The following CACNA1E variants were observed in gnomAD, a reference collection of about 807,000 sequenced individuals.
CACNA1E encodes the protein voltage-dependent R-type calcium channel subunit alpha-1E.
Under a neutral mutation model 259.2 loss-of-function variants are expected in CACNA1E, and 40 were observed. That is an observed-to-expected ratio of 0.15 (90% CI 0.12 to 0.20). The LOEUF is 0.20. Among genes scored for constraint, CACNA1E ranks in the 10% least tolerant of loss-of-function variants. The pLI is 1.00. For synonymous variants in CACNA1E, 1,104 were observed against 1,138.5 expected, an observed-to-expected ratio of 0.97 and a Z score of 0.61; for missense variants, 1,874 against 3,040.1, an observed-to-expected ratio of 0.62 and a Z score of 9.02.
chr1:181,537,311 C>G (rs1668252096), intron 3 of CACNA1E, among the ~76,000 whole-genome samples: 1 of 151,904 alleles, frequency 6.6e-6, no homozygotes, highest in Non-Finnish European at 1.5e-5. Flanking sequence ...GTTGGCCAGG[C>G]TGGTCTTGAA....
In CACNA1E at chr1:181,736,318, A is replaced by C. The variant is rs1195211338; in HGVS notation, c.3306A>C (p.Ala1102=). 3.1e-6 allele frequency: 5 copies of C among 1,603,660 alleles called. No individual in the cohort carries two copies. The highest frequency in any genetic ancestry group is 4.3e-6 in the Non-Finnish European group (5 of 1,174,878). ...GGGAAGCCAGTCCCTTGAAGGAGGC[A>C]GAGATCAGAGAGGATGAGGAGGAGG... ...TDGEASPLKE[A]EIREDEEEVE... Residue 1102 remains alanine, a synonymous_variant, in exon 22 of 48, where the codon GCA becomes GCC. Coordinates refer to ENST00000367573, the MANE Select transcript of CACNA1E (RefSeq NM_001205293.3).
At chr1:181,664,467 A>C (rs1572530799) in intron 7 of CACNA1E, among the ~76,000 whole-genome samples, 1 of 152,274 alleles carries the variant, frequency 6.6e-6, no homozygotes, top group East Asian at 1.9e-4. Context: ...CCCCCATTTT[A>C]GGACTTTATT....
intron 1 of CACNA1E, among the ~76,000 whole-genome samples, chr1:181,382,122 A>C (rs1482744741): frequency 6.6e-6 from 1 of 152,202 alleles, no homozygotes; most frequent in African/African-American, 2.4e-5. Context: ...ATTAGAGGTC[A>C]TCCAAAATGG....
chr1:181,324,226 G>T (rs952869825), intron 1 of CACNA1E, among the ~76,000 whole-genome samples: 5 of 152,192 alleles, frequency 3.3e-5, no homozygotes, highest in African/African-American at 1.2e-4. Context: ...TGTAGGAAGA[G>T]AGAAACCATA....
At chr1:181,649,457 C>T (rs1348157580) in intron 6 of CACNA1E, among the ~76,000 whole-genome samples, 1 of 151,756 alleles carries the variant, frequency 6.6e-6, no homozygotes, top group African/African-American at 2.4e-5. Context: ...TCAAATACCC[C>T]AAAACAGAAC....
chr1:181,423,850 T>C (rs1408072008), intron 2 of CACNA1E, among the ~76,000 whole-genome samples: 7 of 152,186 alleles, frequency 4.6e-5, no homozygotes, highest in Non-Finnish European at 4.4e-5. Flanking sequence ...TTTGTTCTTA[T>C]ATATGAGTGC....
At chr1:181,777,814 A>T (rs1269416478) in intron 38 of CACNA1E, among the ~76,000 whole-genome samples, 1 of 152,240 alleles carries the variant, frequency 6.6e-6, no homozygotes, top group African/African-American at 2.4e-5. Context: ...CTCTGTTACC[A>T]TGGATATCTA....
intron 1 of CACNA1E, among the ~76,000 whole-genome samples, chr1:181,484,688 A>G (rs1473855282): frequency 6.6e-6 from 1 of 152,220 alleles, no homozygotes; most frequent in Admixed American, 6.5e-5. Flanking sequence ...CTCTCAGCCA[A>G]GAAAGAGCAG....
At position 181,616,846 on chromosome 1, in the gene CACNA1E, T is replaced by G. The variant is rs183731024; in HGVS notation, c.952-34492T>G. Reference sequence around the variant, plus strand: ...TTTATGTCTCTTATAAGTTACAGATTTAATTTCTTTGAAAGAGAACCATTA... The same window carrying G: ...TTTATGTCTCTTATAAGTTACAGATGTAATTTCTTTGAAAGAGAACCATTA... On this transcript the variant is annotated intron_variant, in intron 6 of 47. Coordinates refer to ENST00000367573, the MANE Select transcript of CACNA1E (RefSeq NM_001205293.3). Among the ~76,000 whole-genome samples the G allele has an allele frequency of 4.3e-3, 659 of 152,356 alleles. 21 individuals carry two copies. The highest frequency in any genetic ancestry group is 0.04 in the Admixed American group (610 of 15,298).
At chr1:181,481,718 C>G (rs962957192), upstream of CACNA1E, among the ~76,000 whole-genome samples, 1 of 152,186 alleles carries the variant, frequency 6.6e-6, no homozygotes, top group African/African-American at 2.4e-5. Context: ...GGTCCCTGCC[C>G]TCAGTTCAAA....
At chr1:181,510,261 G>T (rs985754925) in intron 1 of CACNA1E, among the ~76,000 whole-genome samples, 4 of 152,268 alleles carry the variant, frequency 2.6e-5, no homozygotes, top group Admixed American at 2.6e-4. Context: ...GATGCTTTGT[G>T]TTCAGAGACC....
chr1:181,705,815 T>C (rs957864055), intron 7 of CACNA1E, among the ~76,000 whole-genome samples: 1 of 152,218 alleles, frequency 6.6e-6, no homozygotes, highest in African/African-American at 2.4e-5. Context: ...CTAGGGTTTA[T>C]GTGGGTCCTA....
At chr1:181,549,165 G>C (rs987896202) in intron 3 of CACNA1E, among the ~76,000 whole-genome samples, 1 of 152,200 alleles carries the variant, frequency 6.6e-6, no homozygotes, top group Non-Finnish European at 1.5e-5. Context: ...GTGGCGTCAG[G>C]ATGGGCAGAA....
chr1:181,576,083 C>T (rs1398610356), intron 3 of CACNA1E, among the ~76,000 whole-genome samples: 4 of 152,148 alleles, frequency 2.6e-5, no homozygotes, highest in Admixed American at 2.0e-4. Flanking sequence ...TGCCCCAAGT[C>T]CCCCCGTTTC....
intron 3 of CACNA1E, among the ~76,000 whole-genome samples, chr1:181,526,651 G>T (rs1406019870): frequency 6.6e-6 from 1 of 152,096 alleles, no homozygotes; most frequent in Non-Finnish European, 1.5e-5. Flanking sequence ...GTTAACAATA[G>T]GTTAGAGTTA....
rs1650012165 is a variant in CACNA1E, at chr1:181,567,948, T to TATACACACATATATATAC, written c.513-9816_513-9799dup. The stretch of plus-strand genomic sequence containing the variant: ...AATTTTATGTATGTGTGTATATATA[T>TATACACACATATATATAC]ATACACACATATATATACACACACA... On this transcript the variant is annotated intron_variant, in intron 3 of 47. Coordinates refer to ENST00000367573, the MANE Select transcript of CACNA1E (RefSeq NM_001205293.3). 2.0e-5 allele frequency among the ~76,000 whole-genome samples: 3 copies of TATACACACATATATATAC among 151,940 alleles called. No individual in the cohort carries two copies. The South Asian group carries it at 6.2e-4, about 31-fold the overall frequency.
intron 1 of CACNA1E, among the ~76,000 whole-genome samples, chr1:181,367,163 G>A (rs907386984): frequency 2.2e-4 from 33 of 152,130 alleles, no homozygotes; most frequent in South Asian, 2.1e-4. Context: ...TTGTGGTTGC[G>A]CCTTCTGATT....
At chr1:181,787,353 G>A (rs943691120) in intron 43 of CACNA1E, among the ~76,000 whole-genome samples, 3 of 152,052 alleles carry the variant, frequency 2.0e-5, no homozygotes, top group East Asian at 1.9e-4. Flanking sequence ...CTCATGATCC[G>A]CCTGCCTTGG....
At chr1:181,664,347 A>C (rs568419945) in intron 7 of CACNA1E, among the ~76,000 whole-genome samples, 21 of 152,224 alleles carry the variant, frequency 1.4e-4, no homozygotes, top group Non-Finnish European at 2.5e-4. Context: ...GATTAATTCA[A>C]CAGATAGTGC....
Sources: gnomAD v4.1 joint callset for allele counts (sites outside exome capture counted in the v4.1 genomes callset) on GRCh38, gnomAD v4.1.1 for gene constraint, MANE v1.5 for transcripts, NCBI Gene and HGNC (gene_info 2026-07-23, HGNC 2026-07-21) for gene names.